The following SP110 variants were observed in gnomAD, a reference collection of about 807,000 sequenced individuals.
The protein encoded by SP110 is interferon-induced protein 41, 30kD.
A neutral mutation model predicts 92.7 loss-of-function variants in SP110; 62 were observed. The observed-to-expected ratio is 0.67, with a 90% CI of 0.55 to 0.83. The LOEUF (loss-of-function observed/expected upper bound fraction) is 0.83. Among genes scored for constraint, SP110 ranks in the 40% least tolerant of loss-of-function variants. SP110 has a pLI of 0.00. For synonymous variants in SP110, 273 were observed against 305.3 expected (o/e 0.89, Z 1.10); for missense variants, 793 against 863.9 (o/e 0.92, Z 1.03).
intron 3 of SP110, among the ~76,000 whole-genome samples, chr2:230,214,585 C>T (rs1195858747): frequency 2.0e-5 from 3 of 152,230 alleles, no homozygotes; most frequent in Non-Finnish European, 4.4e-5. Flanking sequence ...TATCCGTCCA[C>T]ATTCATTTTT....
intron 3 of SP110, among the ~76,000 whole-genome samples, chr2:230,214,650 C>T (rs2044895998): frequency 6.6e-6 from 1 of 152,182 alleles, no homozygotes; most frequent in Admixed American, 6.5e-5. Flanking sequence ...TGTAACTTTG[C>T]ATTTCTGTCA....
chr2:230,192,090 C>T (rs1353305714), intron 10 of SP110, among the ~76,000 whole-genome samples: 1 of 152,174 alleles, frequency 6.6e-6, no homozygotes, highest in African/African-American at 2.4e-5. Flanking sequence ...TACATCCCTT[C>T]ATGTTAAAAA....
chr2:230,177,637 TAACC>T lies in SP110; in HGVS notation c.1487_1490del (p.Trp496Ter). The T allele has an allele frequency of 6.2e-7, 1 of 1,614,190 alleles. No individual in the cohort carries two copies. The highest frequency in any genetic ancestry group is 8.5e-7 in the Non-Finnish European group (1 of 1,179,976). ...CTTCGACTTCAAATTCATTTGGTGT[TAACC>T]AAGTTCCATCCTCATTCCGAATGCA... is the stretch of plus-strand genomic sequence containing the variant. On this transcript the variant is annotated frameshift_variant, in exon 14 of 19. Transcript: ENST00000258381. LOFTEE classifies it high-confidence loss of function.
chr2:230,177,067 C>T (rs2041893882), intron 14 of SP110, among the ~76,000 whole-genome samples: 1 of 152,244 alleles, frequency 6.6e-6, no homozygotes, highest in South Asian at 2.1e-4. Flanking sequence ...CTGAGAGAGG[C>T]CTTGTGTTGG....
rs568391083 is a variant in SP110 at position 230,177,593 on chromosome 2, T to A, written c.1535A>T (p.Lys512Met). ...FEVEGKGRNA[K>M]NWKRNIRCEG... The stretch of plus-strand genomic sequence containing the variant: ...ACAACGTATATTCCGTTTCCAGTTC[T>A]TTGCGTTCCTTCCTTTTCCTTCGAC... Residue 512 changes from lysine (K) to methionine (M), a missense_variant, in exon 14 of 19, where the codon AAG (lysine) becomes ATG (methionine). Coordinates refer to ENST00000258381, the MANE Select transcript of SP110 (RefSeq NM_080424.4). 6.2e-7 allele frequency: 1 copy of A among 1,614,176 alleles called. No individual in the cohort carries two copies. The highest frequency in any genetic ancestry group is 1.1e-5 in the South Asian group (1 of 91,080).
At chr2:230,186,294 AT>A in intron 10 of SP110, 151 bp from the exon 11 acceptor site, 1 of 739,758 alleles carries the variant, frequency 1.4e-6, no homozygotes, top group Non-Finnish European at 2.2e-6. Flanking sequence ...ACTTCCTTCT[AT>A]TTCTCTTTTT....
At chr2:230,171,161 T>C (rs1210784132) in intron 17 of SP110, among the ~76,000 whole-genome samples, 4 of 152,134 alleles carry the variant, frequency 2.6e-5, no homozygotes, top group Non-Finnish European at 5.9e-5. Flanking sequence ...GGTGCGATCT[T>C]GGCTCACCGC....
At position 230,165,986 on chromosome 2, in the gene SP110, C is replaced by T. The variant is rs969391191; in HGVS notation, c.*3138G>A. Among the ~76,000 whole-genome samples, 6 of 151,316 alleles carry T rather than the reference C, an allele frequency of 4.0e-5. No homozygotes were observed. The highest frequency in any genetic ancestry group is 7.4e-5 in the Non-Finnish European group (5 of 67,878). ...TCGGCTCACTGCAACCTCCACCTCCCGGGTTCAAGCGATTCTCCTGCCTCA... is the reference window on the plus strand; with the variant it reads ...TCGGCTCACTGCAACCTCCACCTCCTGGGTTCAAGCGATTCTCCTGCCTCA... On this transcript the variant is annotated 3_prime_UTR_variant, in exon 19 of 19. Coordinates refer to ENST00000258381, the MANE Select transcript of SP110 (RefSeq NM_080424.4).
intron 4 of SP110, among the ~76,000 whole-genome samples, 164 bp from the exon 5 acceptor site, chr2:230,212,594 A>AC (rs908634782): frequency 1.4e-4 from 21 of 151,886 alleles, no homozygotes; most frequent in Non-Finnish European, 2.6e-4. Context: ...GGTCTTACCC[A>AC]CCCCCCGGCA....
At chr2:230,193,769 C>T (rs945402264) in intron 10 of SP110, among the ~76,000 whole-genome samples, 2 of 152,160 alleles carry the variant, frequency 1.3e-5, no homozygotes, top group Non-Finnish European at 2.9e-5. Flanking sequence ...CTGACTATTA[C>T]ATCAATAGGT....
At chr2:230,206,627 ATATATATATATG>A (rs2043879982) in intron 8 of SP110, among the ~76,000 whole-genome samples, 1 of 99,448 alleles carries the variant, frequency 1.0e-5, no homozygotes, top group African/African-American at 4.2e-5. Flanking sequence ...ATATATATAT[ATATATATATATG>A]GACCACACTT....
intron 14 of SP110, among the ~76,000 whole-genome samples, chr2:230,175,131 C>A (rs184568532): frequency 6.6e-6 from 1 of 152,096 alleles, no homozygotes; most frequent in Non-Finnish European, 1.5e-5. Context: ...GCATATGTCC[C>A]TGTGATCTCA....
At chr2:230,193,623 T>C (rs554711475) in intron 10 of SP110, among the ~76,000 whole-genome samples, 1 of 152,352 alleles carries the variant, frequency 6.6e-6, no homozygotes, top group East Asian at 1.9e-4. Context: ...AAACTTAGCT[T>C]TGCCAGATAC....
intron 4 of SP110, 95 bp from the exon 5 acceptor site, chr2:230,212,525 G>T: frequency 1.8e-6 from 2 of 1,114,916 alleles, no homozygotes; most frequent in Non-Finnish European, 2.7e-6. Flanking sequence ...AGAGCATCAA[G>T]GCACAAGGGC....
intron 10 of SP110, 119 bp from the exon 11 acceptor site, chr2:230,186,262 T>G (rs2042353767): frequency 3.1e-6 from 3 of 978,778 alleles, no homozygotes; most frequent in Non-Finnish European, 4.7e-6. Context: ...GTGTGTATCT[T>G]TCTTCCCCCC....
rs1317260006 is a variant in SP110, at chr2:230,211,272, T to TC, written c.751+197dup. ...TTTTCCAGACTTGCCTCCTTTGCCC[T>TC]CCCCCAGGGACTCTGTATCCATTCA... On this transcript the variant is annotated intron_variant, in intron 6 of 18. Transcript: ENST00000258381. The surrounding 1 kb of genome is among the most constrained non-coding windows in gnomAD (Gnocchi z 4.2). Among the ~76,000 whole-genome samples the TC allele has an allele frequency of 2.6e-5, 4 of 152,016 alleles. No homozygotes were observed. Among genetic ancestry groups the TC allele is most frequent in the Non-Finnish European group, 4.4e-5 (3 of 67,992 alleles).
At chr2:230,189,156 C>A (rs1215971656) in intron 10 of SP110, among the ~76,000 whole-genome samples, 1 of 152,028 alleles carries the variant, frequency 6.6e-6, no homozygotes, top group Admixed American at 6.6e-5. Flanking sequence ...AAAGAACCAG[C>A]TTTTTGTTTA....
rs1207875500 is a variant in SP110 at position 230,166,529 on chromosome 2, TATTAAATACCCTCTGCAATGGTAC to T, written c.*2571_*2594del. Among the ~76,000 whole-genome samples the T allele has an allele frequency of 1.0e-4, 2 of 19,086 alleles. No individual in the cohort carries two copies. The highest frequency in any genetic ancestry group is 1.3e-3 in the South Asian group (1 of 764). The allele number at this position is 19,086 out of a possible 152,430, so 12.5% of individuals were successfully genotyped here. A position where few individuals can be genotyped will look rare whatever the true frequency, so the allele number is the denominator to read the frequency against. ...AAATGTAAAATCCTCTGCAATGGTA[TATTAAATACCCTCTGCAATGGTAC>T]ATTAAATACCCTCTGCAATGGTATA... is the stretch of plus-strand genomic sequence containing the variant. On this transcript the variant is annotated 3_prime_UTR_variant, in exon 19 of 19. Transcript: ENST00000258381.
chr2:230,181,385 G>A (rs1396503668), intron 12 of SP110, among the ~76,000 whole-genome samples: 2 of 152,190 alleles, frequency 1.3e-5, no homozygotes, highest in Non-Finnish European at 2.9e-5. Flanking sequence ...CTGACCTCAC[G>A]TGACTTTCAC....
Sources: allele counts gnomAD v4.1 joint callset (sites outside exome capture counted in the v4.1 genomes callset), GRCh38; gene constraint gnomAD v4.1.1; non-coding constraint Gnocchi (gnomAD v3.1); transcripts MANE v1.5; gene names NCBI Gene and HGNC (gene_info 2026-07-23, HGNC 2026-07-21).